SPON1: variants seen among roughly 807,000 people sequenced by gnomAD.
SPON1 encodes the protein spondin-1.
SPON1 carries 52 observed loss-of-function variants against 111.7 expected under a neutral mutation model. The ratio of observed to expected loss-of-function variants is 0.47; its 90% CI spans 0.37 to 0.59. The LOEUF is 0.59. Among genes scored for constraint, SPON1 ranks in the 20% least tolerant of loss-of-function variants. The probability of loss-of-function intolerance (pLI) is 0.00; values close to 1 mark genes in which losing one functional copy is unlikely to be tolerated. For synonymous variants in SPON1, 410 were observed against 395.8 expected, an observed-to-expected ratio of 1.04 and a Z score of -0.43; for missense variants, 957 against 1,068.5, an observed-to-expected ratio of 0.90 and a Z score of 1.46.
intron 2 of SPON1, among the ~76,000 whole-genome samples, chr11:14,036,289 A>C (rs140764302): frequency 5.7e-4 from 87 of 152,388 alleles, no homozygotes; most frequent in Middle Eastern, 3.4e-3. Context: ...ATATAAAGAC[A>C]GTTAGAATGA....
chr11:14,232,442 C>G (rs1554938836), intron 6 of SPON1, among the ~76,000 whole-genome samples: 2 of 152,176 alleles, frequency 1.3e-5, no homozygotes, highest in African/African-American at 4.8e-5. Context: ...AGCAACCCAA[C>G]CCACATGCTC....
rs910101759 is a variant in SPON1 at position 14,071,326 on chromosome 11, G to A, written c.480-4019G>A. Among the ~76,000 whole-genome samples the A allele has an allele frequency of 3.3e-5, 5 of 152,144 alleles. No individual in the cohort carries two copies. The South Asian group carries it at 1.0e-3, about 32-fold the overall frequency. On this transcript the variant is annotated intron_variant, in intron 3 of 15. Coordinates refer to ENST00000576479, the MANE Select transcript of SPON1 (RefSeq NM_006108.4). ...TCCACTAGCATCTCTGTAGGTGAATGTTGGTCTTCCTCAGGGTTCTGGGCT... is the reference window on the plus strand; with the variant it reads ...TCCACTAGCATCTCTGTAGGTGAATATTGGTCTTCCTCAGGGTTCTGGGCT...
chr11:14,260,441 A>G (rs945007169), intron 13 of SPON1, 147 bp from the exon 14 acceptor site: 16 of 783,510 alleles, frequency 2.0e-5, no homozygotes, highest in Non-Finnish European at 3.2e-5. Flanking sequence ...TGCTCCATAG[A>G]TTTCACTCTT....
chr11:14,220,935 G>A (rs947890862), intron 6 of SPON1, among the ~76,000 whole-genome samples: 8 of 152,058 alleles, frequency 5.3e-5, no homozygotes, highest in African/African-American at 1.9e-4. Flanking sequence ...ATTATGCCAG[G>A]GTCAGGACAA....
intron 1 of SPON1, among the ~76,000 whole-genome samples, chr11:13,979,677 G>A (rs1258430835): frequency 1.3e-5 from 2 of 152,210 alleles, no homozygotes; most frequent in African/African-American, 4.8e-5. Flanking sequence ...ATCTTAGGCA[G>A]AGTAGGCTCC....
chr11:14,166,655 T>A (rs1554931889), intron 6 of SPON1, among the ~76,000 whole-genome samples: 1 of 152,212 alleles, frequency 6.6e-6, no homozygotes. Context: ...TGACTAGGAA[T>A]TTGGGTTACT....
chr11:14,098,438 T>A (rs1485086224), intron 5 of SPON1, among the ~76,000 whole-genome samples: 2 of 152,230 alleles, frequency 1.3e-5, no homozygotes, highest in East Asian at 3.8e-4. Flanking sequence ...TGTGGTTTGT[T>A]TTTTCCTTCC....
chr11:14,206,909 A>G (rs1444712622), intron 6 of SPON1, among the ~76,000 whole-genome samples: 6 of 152,206 alleles, frequency 3.9e-5, no homozygotes, highest in Admixed American at 3.9e-4. Flanking sequence ...TGAAACCAAA[A>G]AAGAGCCCAA....
intron 1 of SPON1, among the ~76,000 whole-genome samples, chr11:13,970,203 T>G (rs1848051951): frequency 6.6e-6 from 1 of 152,122 alleles, no homozygotes; most frequent in Admixed American, 6.5e-5. Flanking sequence ...TACAGAATGT[T>G]TTGGCAGGGA....
chr11:14,049,351 C>T (rs151221030), intron 3 of SPON1, among the ~76,000 whole-genome samples: 1 of 152,308 alleles, frequency 6.6e-6, no homozygotes, highest in East Asian at 1.9e-4. Context: ...CCTGACTGAT[C>T]ACTCTAGTTC....
rs76763799 is a variant in SPON1, at chr11:13,993,744, A to G, written c.345+10791A>G. Among the ~76,000 whole-genome samples, 89 of 152,308 alleles carry G rather than the reference A, an allele frequency of 5.8e-4. 1 individual carries two copies. The East Asian group carries it at 0.014, about 25-fold the overall frequency. ...GATCTACAGGGCAGGATTTTAATCTATCTCCCTTCAGAGTATCCCTGGCAG... is the reference window on the plus strand; with the variant it reads ...GATCTACAGGGCAGGATTTTAATCTGTCTCCCTTCAGAGTATCCCTGGCAG... On this transcript the variant is annotated intron_variant, in intron 2 of 15. Transcript: ENST00000576479.
chr11:14,108,725 C>T (rs1849203873), intron 5 of SPON1, among the ~76,000 whole-genome samples: 1 of 151,510 alleles, frequency 6.6e-6, no homozygotes, highest in Admixed American at 6.6e-5. Context: ...TGGAACTAAT[C>T]AGCTAATTTT....
At chr11:13,977,028 A>G (rs782756829) in intron 1 of SPON1, among the ~76,000 whole-genome samples, 15 of 152,226 alleles carry the variant, frequency 9.9e-5, no homozygotes, top group Admixed American at 2.0e-4. Context: ...TGCATGTGGC[A>G]GTATGTGTTC....
At chr11:14,141,021 G>GT (rs1847648085) in intron 6 of SPON1, among the ~76,000 whole-genome samples, 1 of 114,596 alleles carries the variant, frequency 8.7e-6, no homozygotes, top group Admixed American at 9.3e-5. Flanking sequence ...ATGCAGGCGT[G>GT]CCCCCCCCAT....
intron 3 of SPON1, among the ~76,000 whole-genome samples, chr11:14,060,809 G>A (rs1310460567): frequency 6.6e-6 from 1 of 152,158 alleles, no homozygotes; most frequent in Non-Finnish European, 1.5e-5. Context: ...TAAAACCAAG[G>A]CATGTGGGCC....
Position 14,102,865 on chromosome 11 carries a change from G to T in SPON1, c.676+22844G>T, listed in dbSNP as rs964007410. Among the ~76,000 whole-genome samples the T allele has an allele frequency of 3.3e-5, 5 of 152,082 alleles. 1 individual carries two copies. The highest frequency in any genetic ancestry group is 3.2e-3 in the Middle Eastern group (1 of 316). On this transcript the variant is annotated intron_variant, in intron 5 of 15. Coordinates refer to ENST00000576479, the MANE Select transcript of SPON1 (RefSeq NM_006108.4). ...TTCTTTTTCTCTATTTCTTGTTCTT[G>T]CTTCATATTGCTAACATGCTCCCGA...
chr11:14,104,566 T>C (rs1353695235), intron 5 of SPON1, among the ~76,000 whole-genome samples: 1 of 152,086 alleles, frequency 6.6e-6, no homozygotes, highest in Non-Finnish European at 1.5e-5. Flanking sequence ...CTTCCATTTT[T>C]CATTGAATTA....
intron 6 of SPON1, among the ~76,000 whole-genome samples, chr11:14,139,684 CA>C (rs1847630003): frequency 6.8e-6 from 1 of 147,886 alleles, no homozygotes; most frequent in Admixed American, 6.8e-5. Flanking sequence ...TACATCCTAA[CA>C]GTGGAGAAAA....
At chr11:14,191,597 A>T (rs1451316389) in intron 6 of SPON1, among the ~76,000 whole-genome samples, 3 of 152,226 alleles carry the variant, frequency 2.0e-5, no homozygotes, top group African/African-American at 7.2e-5. Flanking sequence ...GTAAGTTTGC[A>T]TGCAGTTCAC....
Sources: allele counts gnomAD v4.1 joint callset (sites outside exome capture counted in the v4.1 genomes callset), GRCh38; gene constraint gnomAD v4.1.1; transcripts MANE v1.5; gene names NCBI Gene and HGNC (gene_info 2026-07-23, HGNC 2026-07-21).